KLRG1: variants seen among roughly 807,000 people sequenced by gnomAD.
KLRG1 encodes killer cell lectin-like receptor subfamily G member 1.
KLRG1 carries 16 observed loss-of-function variants against 21.8 expected under a neutral mutation model. The ratio of observed to expected loss-of-function variants is 0.73; its 90% CI spans 0.50 to 1.11. The LOEUF is 1.11. Among genes scored for constraint, KLRG1 ranks in the 50% most tolerant of loss-of-function variants. The probability of loss-of-function intolerance (pLI) is 0.00; values close to 1 mark genes in which losing one functional copy is unlikely to be tolerated. For synonymous variants in KLRG1, 69 were observed against 75.9 expected, an observed-to-expected ratio of 0.91 and a Z score of 0.47; for missense variants, 173 against 218.3, an observed-to-expected ratio of 0.79 and a Z score of 1.31.
intron 1 of KLRG1, among the ~76,000 whole-genome samples, chr12:8,967,929 A>G (rs1028304063): frequency 1.3e-5 from 2 of 151,952 alleles, no homozygotes; most frequent in African/African-American, 4.8e-5. Flanking sequence ...CATAACAGAA[A>G]GAAAAGAAGG....
At chr12:9,119,472 C>T in the KLRG1 span, among the ~76,000 whole-genome samples, 9 of 151,816 alleles carry the variant, frequency 5.9e-5, no homozygotes, top group African/African-American at 9.7e-5. Context: ...GTTTCAGTGC[C>T]GGTGTGGGGC....
At chr12:9,001,269 T>C (rs923463369) in intron 3 of KLRG1, among the ~76,000 whole-genome samples, 12 of 152,174 alleles carry the variant, frequency 7.9e-5, no homozygotes, top group African/African-American at 2.7e-4. Flanking sequence ...TTACATCCTT[T>C]GCTTTAAATA....
At chr12:9,024,055 G>A in the KLRG1 span, among the ~76,000 whole-genome samples, 1 of 103,426 alleles carries the variant, frequency 9.7e-6, no homozygotes, top group East Asian at 2.9e-4. Context: ...TTGAGCCAGA[G>A]TCTCTCTCTA....
chr12:9,182,039 A>G, the KLRG1 span: 2 of 1,613,768 alleles, frequency 1.2e-6, no homozygotes, highest in Non-Finnish European at 8.5e-7. Context: ...TCCATCTGGT[A>G]AAATGGCAAA....
the KLRG1 span, among the ~76,000 whole-genome samples, chr12:9,088,555 T>C: frequency 6.6e-6 from 1 of 152,170 alleles, no homozygotes; most frequent in East Asian, 1.9e-4. Flanking sequence ...ACGAAAAACA[T>C]ACTAAATTTG....
intron 3 of KLRG1, among the ~76,000 whole-genome samples, chr12:9,001,885 A>G (rs1255926798): frequency 6.6e-6 from 1 of 152,120 alleles, no homozygotes; most frequent in Non-Finnish European, 1.5e-5. Flanking sequence ...GGAACCCATT[A>G]TTTTGTATTC....
At chr12:9,175,503 A>G in the KLRG1 span, among the ~76,000 whole-genome samples, 1 of 152,208 alleles carries the variant, frequency 6.6e-6, no homozygotes. Flanking sequence ...AGCAAAAGGA[A>G]CTATCATTAG....
the KLRG1 span, among the ~76,000 whole-genome samples, chr12:9,143,726 C>T: frequency 6.6e-6 from 1 of 152,266 alleles, no homozygotes; most frequent in East Asian, 1.9e-4. Flanking sequence ...CTAATTTGCA[C>T]TGGGGCCCGG....
the KLRG1 span, chr12:9,089,906 A>G: frequency 6.2e-7 from 1 of 1,609,320 alleles, no homozygotes; most frequent in East Asian, 2.2e-5. Flanking sequence ...ACTTACTTCA[A>G]CCAACAGAGG....
At chr12:9,116,102 A>ACATTCC in the KLRG1 span, 5 of 463,774 alleles carry the variant, frequency 1.1e-5, no homozygotes, top group East Asian at 1.8e-4. Flanking sequence ...GGCTAAAACT[A>ACATTCC]CATTCCCATT....
At chr12:9,098,194 G>T in the KLRG1 span, among the ~76,000 whole-genome samples, 5 of 152,012 alleles carry the variant, frequency 3.3e-5, no homozygotes, top group East Asian at 5.8e-4. Flanking sequence ...TTCTCATATA[G>T]CACTTTTCAC....
At chr12:9,069,923 A>G in the KLRG1 span, 1 of 905,228 alleles carries the variant, frequency 1.1e-6, no homozygotes, top group Non-Finnish European at 1.8e-6. Flanking sequence ...GAATTCTTCA[A>G]ATGCTTTTTG....
Position 8,963,588 on chromosome 12 carries a change from G to T in KLRG1, c.-156+13352G>T, listed in dbSNP as rs148120940. On this transcript the variant is annotated intron_variant, in intron 1 of 4. Transcript: ENST00000539240. Reference sequence around the variant, plus strand: ...AGGATTCCCTCTTTTTCTGTTGATTGGAATAGTTTCAGAAGGAATGGTACC... The same window carrying T: ...AGGATTCCCTCTTTTTCTGTTGATTTGAATAGTTTCAGAAGGAATGGTACC... 3.5e-3 allele frequency among the ~76,000 whole-genome samples: 540 copies of T among 152,290 alleles called. 3 individuals are homozygous for T. Among genetic ancestry groups the T allele is most frequent in the African/African-American group, 0.012 (484 of 41,556 alleles).
intron 1 of KLRG1, among the ~76,000 whole-genome samples, chr12:8,952,198 ACC>A (rs1946216335): frequency 6.6e-6 from 1 of 152,194 alleles, no homozygotes; most frequent in African/African-American, 2.4e-5. Context: ...TAAATTGTTC[ACC>A]TTGTTTAGAA....
the KLRG1 span, chr12:9,148,806 T>C: frequency 1.6e-6 from 1 of 606,798 alleles, no homozygotes; most frequent in Non-Finnish European, 2.8e-6. Context: ...GAACATGTTA[T>C]TAATGTCTGA....
the KLRG1 span, among the ~76,000 whole-genome samples, chr12:9,056,039 T>C: frequency 6.6e-6 from 1 of 152,216 alleles, no homozygotes; most frequent in Non-Finnish European, 1.5e-5. Flanking sequence ...GATGATTTTG[T>C]ATTTAGGAGG....
the KLRG1 span, chr12:9,107,397 A>G: frequency 8.3e-7 from 1 of 1,197,720 alleles, no homozygotes; most frequent in Non-Finnish European, 1.1e-6. Context: ...TTTTTGAAAA[A>G]TTACAATAGC....
the KLRG1 span, among the ~76,000 whole-genome samples, chr12:9,172,089 A>G: frequency 1.3e-5 from 2 of 152,310 alleles, no homozygotes; most frequent in South Asian, 4.1e-4. Context: ...GGACACCTAG[A>G]GAGAAAGGCC....
chr12:9,180,921 G>C, the KLRG1 span: 1 of 1,543,068 alleles, frequency 6.5e-7, no homozygotes, highest in Non-Finnish European at 8.7e-7. Context: ...GGCTAATAGA[G>C]GCTTCTTGAT....
Sources: gnomAD v4.1 joint callset for allele counts (sites outside exome capture counted in the v4.1 genomes callset) on GRCh38, gnomAD v4.1.1 for gene constraint, MANE v1.5 for transcripts, NCBI Gene and HGNC (gene_info 2026-07-23, HGNC 2026-07-21) for gene names.